PCSK5: variants seen among roughly 807,000 people sequenced by gnomAD.
The protein encoded by PCSK5 is proprotein convertase subtilisin/kexin type 5, also known as prohormone convertase 5.
A neutral mutation model predicts 233.2 loss-of-function variants in PCSK5; 129 were observed. The observed-to-expected ratio is 0.55, with a 90% CI of 0.48 to 0.64. The LOEUF (loss-of-function observed/expected upper bound fraction) is 0.64, where lower values mean the gene tolerates loss of function less well. Ranked by LOEUF, PCSK5 falls within the 30% of genes least tolerant of loss-of-function variation. The pLI, the probability that PCSK5 is intolerant of heterozygous loss-of-function variation, is 0.00. For synonymous variants in PCSK5, 825 were observed against 879.2 expected (o/e 0.94, Z 1.09); for missense variants, 2,076 against 2,430.1 (o/e 0.85, Z 3.06).
rs1335241118 is a variant in PCSK5 at position 76,189,215 on chromosome 9, C to T, written c.2502C>T (p.Ser834=). Residue 834 remains serine (S), a synonymous_variant, in exon 19 of 38, where the codon TCC becomes TCT. Transcript: ENST00000674117. ...FDHSSENGYK[S]CKKCDISCLT... is the part of the protein sequence containing the mutation. ...ACTCTTCAGAGAATGGATACAAATC[C>T]TGCAAAAAGTAAGTGGATCTGCCCC... 4 of 1,612,528 alleles carry T rather than the reference C, an allele frequency of 2.5e-6. No individual in the cohort carries two copies. The highest frequency in any genetic ancestry group is 2.5e-6 in the Non-Finnish European group (3 of 1,179,674).
At chr9:76,326,588 G>A (rs563824160) in intron 32 of PCSK5, among the ~76,000 whole-genome samples, 27 of 152,248 alleles carry the variant, frequency 1.8e-4, no homozygotes, top group Middle Eastern at 3.4e-3. Flanking sequence ...CTTAGCGTAA[G>A]TGACTTAGCA....
At chr9:76,329,178 G>T (rs150123077) in intron 33 of PCSK5, among the ~76,000 whole-genome samples, 64 of 151,592 alleles carry the variant, frequency 4.2e-4, no homozygotes, top group African/African-American at 1.5e-3. Context: ...CAGTACCCAG[G>T]CTGTTGGAGT....
At chr9:76,291,384 C>T (rs1042174693) in intron 24 of PCSK5, among the ~76,000 whole-genome samples, 2 of 152,134 alleles carry the variant, frequency 1.3e-5, no homozygotes, top group African/African-American at 2.4e-5. Flanking sequence ...CCAAGAGGAA[C>T]GTTTTAAGGA....
chr9:76,272,471 C>G (rs140552700), intron 24 of PCSK5, among the ~76,000 whole-genome samples: 2,132 of 151,938 alleles, frequency 0.014, 48 homozygotes, highest in African/African-American at 0.048. Context: ...TTCCCATGGC[C>G]GTGGATAAAG....
intron 5 of PCSK5, among the ~76,000 whole-genome samples, chr9:76,042,088 T>A (rs763394587): frequency 2.0e-5 from 3 of 152,206 alleles, no homozygotes; most frequent in Non-Finnish European, 4.4e-5. Context: ...TAATTCTAAT[T>A]TAACCTAGTT....
intron 35 of PCSK5, among the ~76,000 whole-genome samples, chr9:76,343,193 C>G (rs985319164): frequency 7.4e-5 from 11 of 149,210 alleles, no homozygotes; most frequent in African/African-American, 1.2e-4. Context: ...GAGACAGAGC[C>G]TCGCTGTGTC....
intron 14 of PCSK5, among the ~76,000 whole-genome samples, chr9:76,177,708 C>G (rs1163658198): frequency 6.6e-6 from 1 of 152,126 alleles, no homozygotes; most frequent in African/African-American, 2.4e-5. Flanking sequence ...GTTTCCCATT[C>G]AAATTTTGGA....
intron 3 of PCSK5, among the ~76,000 whole-genome samples, chr9:75,986,671 G>A (rs1053843420): frequency 3.3e-5 from 5 of 152,194 alleles, no homozygotes. Context: ...CTGCTGGTAA[G>A]TAATAGGCCC....
chr9:75,962,587 C>T (rs912739411), intron 2 of PCSK5, among the ~76,000 whole-genome samples: 6 of 152,190 alleles, frequency 3.9e-5, no homozygotes, highest in African/African-American at 1.4e-4. Flanking sequence ...GTGCCTGGCT[C>T]CACTGTGCAG....
intron 2 of PCSK5, among the ~76,000 whole-genome samples, chr9:75,975,018 C>T (rs945946261): frequency 6.6e-6 from 1 of 152,126 alleles, no homozygotes; most frequent in Admixed American, 6.5e-5. Context: ...ATTTTAAATT[C>T]TGACAGTGAA....
intron 24 of PCSK5, among the ~76,000 whole-genome samples, chr9:76,256,736 C>G (rs1826995323): frequency 6.6e-6 from 1 of 152,212 alleles, no homozygotes; most frequent in African/African-American, 2.4e-5. Context: ...GCAGTAGTGA[C>G]TAGAACTTCA....
chr9:76,278,052 T>G (rs912674866), intron 24 of PCSK5, among the ~76,000 whole-genome samples: 2 of 152,158 alleles, frequency 1.3e-5, no homozygotes, highest in Non-Finnish European at 2.9e-5. Context: ...AATGCTGTCT[T>G]TCTCCTCAAA....
chr9:76,222,862 A>G (rs1367044589), intron 20 of PCSK5, among the ~76,000 whole-genome samples: 1 of 152,182 alleles, frequency 6.6e-6, no homozygotes, highest in Non-Finnish European at 1.5e-5. Flanking sequence ...CGAAAAAAAC[A>G]TATAGATGTT....
intron 2 of PCSK5, among the ~76,000 whole-genome samples, chr9:75,965,034 G>T (rs1825514713): frequency 1.3e-5 from 2 of 152,126 alleles, no homozygotes; most frequent in South Asian, 4.1e-4. Flanking sequence ...AATAAGTTGT[G>T]ATACCACTTG....
chr9:76,220,405 T>C (rs1825688044), intron 20 of PCSK5, among the ~76,000 whole-genome samples: 1 of 151,486 alleles, frequency 6.6e-6, no homozygotes, highest in South Asian at 2.1e-4. Context: ...TGGGCGCCTG[T>C]AGTCCCAGCT....
intron 5 of PCSK5, among the ~76,000 whole-genome samples, chr9:76,043,335 CAAAAAAAAAA>C (rs71372040): frequency 1.7e-4 from 11 of 64,022 alleles, no homozygotes; most frequent in African/African-American, 6.1e-4. Flanking sequence ...GACTCCATCT[CAAAAAAAAAA>C]AAAAAAAAAA....
chr9:76,298,573 T>C lies in PCSK5; in HGVS notation c.3523+1708T>C, dbSNP rs1004965701. ...ATAGTGTAAGCACTGAAATGGATAG[T>C]AAATGGGAAATGCATTCCATAAAGT... On this transcript the variant is annotated intron_variant, in intron 27 of 37. Transcript: ENST00000674117. 2.0e-4 allele frequency among the ~76,000 whole-genome samples: 30 copies of C among 152,136 alleles called. 1 individual carries two copies. The highest frequency in any genetic ancestry group is 1.6e-4 in the Non-Finnish European group (11 of 68,038).
At chr9:76,068,194 T>C (rs1181690061) in intron 6 of PCSK5, 151 bp downstream of exon 6, 1 of 579,282 alleles carries the variant, frequency 1.7e-6, no homozygotes, top group East Asian at 2.9e-5. Context: ...CATGACCATG[T>C]TAGCATGCGC....
intron 12 of PCSK5, among the ~76,000 whole-genome samples, chr9:76,167,632 G>A (rs1057177433): frequency 6.6e-6 from 1 of 152,118 alleles, no homozygotes; most frequent in Non-Finnish European, 1.5e-5. Flanking sequence ...CAGACACACT[G>A]ATAAAATACG....
Sources: allele counts gnomAD v4.1 joint callset (sites outside exome capture counted in the v4.1 genomes callset), GRCh38; gene constraint gnomAD v4.1.1; transcripts MANE v1.5; gene names NCBI Gene and HGNC (gene_info 2026-07-23, HGNC 2026-07-21).